RAPGEF2: variants seen among roughly 807,000 people sequenced by gnomAD.
The protein encoded by RAPGEF2 is PDZ domain containing guanine nucleotide exchange factor (GEF) 1.
Under a neutral mutation model 186.7 loss-of-function variants are expected in RAPGEF2, and 54 were observed. The ratio of observed to expected loss-of-function variants is 0.29; its 90% CI spans 0.23 to 0.36. The LOEUF is 0.36. Ranked by LOEUF, RAPGEF2 falls within the 10% of genes least tolerant of loss-of-function variation. The pLI is 1.00. For synonymous variants in RAPGEF2, 712 were observed against 705.9 expected, an observed-to-expected ratio of 1.01 and a Z score of -0.14; for missense variants, 1,532 against 2,045.0, an observed-to-expected ratio of 0.75 and a Z score of 4.84.
chr4:159,225,074 G>A (rs1751887557), intron 4 of RAPGEF2, among the ~76,000 whole-genome samples: 1 of 152,136 alleles, frequency 6.6e-6, no homozygotes, highest in Non-Finnish European at 1.5e-5. Context: ...AAATAGGTGG[G>A]AGCTACAGGG....
Position 159,241,247 on chromosome 4 carries a change from C to T in RAPGEF2, c.404C>T (p.Ser135Phe). The T allele has an allele frequency of 2.0e-6, 3 of 1,533,650 alleles. No individual in the cohort carries two copies. Among genetic ancestry groups the T allele is most frequent in the Non-Finnish European group, 2.6e-6 (3 of 1,145,408 alleles). ...ENEEYFQRQA[S>F]HRQSRRRFRK... Reference sequence around the variant, plus strand: ...GAAGAATATTTTCAGCGGCAAGCTTCCCATAGACAGTCTCGAAGGAGATTT... The same window carrying T: ...GAAGAATATTTTCAGCGGCAAGCTTTCCATAGACAGTCTCGAAGGAGATTT... Residue 135 changes from serine (S) to phenylalanine (F), a missense_variant, in exon 6 of 30, where the codon TCC becomes TTC. Ser to Phe is a radical substitution (Grantham distance 155). Coordinates refer to ENST00000691494, the MANE Select transcript of RAPGEF2 (RefSeq NM_001394067.2).
At chr4:159,222,102 T>A (rs1006404414) in intron 4 of RAPGEF2, among the ~76,000 whole-genome samples, 6 of 152,232 alleles carry the variant, frequency 3.9e-5, no homozygotes, top group Admixed American at 2.0e-4. Flanking sequence ...ATTTTTAGCA[T>A]CATTTAGAAC....
At chr4:159,238,992 G>A (rs1031775459) in intron 5 of RAPGEF2, 108 bp downstream of exon 5, 14 of 558,106 alleles carry the variant, frequency 2.5e-5, no homozygotes, top group Non-Finnish European at 3.3e-5. Flanking sequence ...AGAAAATATT[G>A]TATATTTTCT....
intron 7 of RAPGEF2, among the ~76,000 whole-genome samples, chr4:159,298,056 G>A (rs964913702): frequency 1.9e-4 from 29 of 152,068 alleles, no homozygotes; most frequent in Non-Finnish European, 1.5e-5. Context: ...GTTAATTTTG[G>A]CAGTTTTCTC....
At chr4:159,350,881 C>T (rs1217994401) in intron 26 of RAPGEF2, among the ~76,000 whole-genome samples, 5 of 152,172 alleles carry the variant, frequency 3.3e-5, no homozygotes, top group African/African-American at 9.7e-5. Context: ...ATGGCTAGGA[C>T]GTAGTTTTCC....
Position 159,359,813 on chromosome 4 carries a change from T to C in RAPGEF2, c.*1674T>C, listed in dbSNP as rs564817926. 14 of 152,280 alleles carry C rather than the reference T, an allele frequency of 9.2e-5. No individual in the cohort carries two copies. The highest frequency in any genetic ancestry group is 3.4e-4 in the African/African-American group (14 of 41,582). The allele number at this position is 152,280 out of a possible 1,614,324, so 9.4% of individuals were successfully genotyped here. On this transcript the variant is annotated 3_prime_UTR_variant, in exon 30 of 30. Coordinates refer to ENST00000691494, the MANE Select transcript of RAPGEF2 (RefSeq NM_001394067.2). ...TTTATTATATAGGCTATGGACCTCA[T>C]GTGCATATAGAAAGACAGAAATCTA...
intron 2 of RAPGEF2, among the ~76,000 whole-genome samples, chr4:159,192,283 G>A (rs1466635625): frequency 1.3e-5 from 2 of 152,160 alleles, no homozygotes; most frequent in African/African-American, 4.8e-5. Flanking sequence ...CTAAAGTACG[G>A]TGGTGGGAAC....
intron 2 of RAPGEF2, among the ~76,000 whole-genome samples, chr4:159,190,144 T>TC (rs1579416281): frequency 6.6e-6 from 1 of 152,124 alleles, no homozygotes; most frequent in African/African-American, 2.4e-5. Flanking sequence ...AAAGGCAGGG[T>TC]CCACGGTATA....
chr4:159,150,627 G>A (rs1210073586), intron 1 of RAPGEF2, among the ~76,000 whole-genome samples: 2 of 152,176 alleles, frequency 1.3e-5, no homozygotes, highest in Non-Finnish European at 2.9e-5. Flanking sequence ...GGAAGGCAGA[G>A]GGCCACTTGC....
At chr4:159,201,660 A>G (rs1289064424) in intron 3 of RAPGEF2, among the ~76,000 whole-genome samples, 1 of 152,252 alleles carries the variant, frequency 6.6e-6, no homozygotes, top group East Asian at 1.9e-4. Flanking sequence ...GGGTTTCGAT[A>G]GAGACTTGGG....
At chr4:159,349,081 G>A (rs1392995567) in intron 25 of RAPGEF2, among the ~76,000 whole-genome samples, 2 of 152,116 alleles carry the variant, frequency 1.3e-5, no homozygotes, top group Admixed American at 6.5e-5. Flanking sequence ...ATCTGTGTAT[G>A]ATGCTGGCCT....
intron 4 of RAPGEF2, among the ~76,000 whole-genome samples, chr4:159,233,423 T>C (rs984272890): frequency 6.6e-6 from 1 of 152,208 alleles, no homozygotes; most frequent in Non-Finnish European, 1.5e-5. Context: ...CTTCTCTCAT[T>C]GAACAGATAT....
chr4:159,114,591 C>G (rs1487671304), intron 1 of RAPGEF2, among the ~76,000 whole-genome samples: 1 of 152,002 alleles, frequency 6.6e-6, no homozygotes, highest in Non-Finnish European at 1.5e-5. Context: ...TTGATATTCC[C>G]AAGATGGAGT....
chr4:159,297,117 A>G (rs1762114556), intron 7 of RAPGEF2, among the ~76,000 whole-genome samples: 1 of 152,218 alleles, frequency 6.6e-6, no homozygotes, highest in Admixed American at 6.5e-5. Context: ...ATATATTTGG[A>G]CAGCAAGCCA....
Position 159,359,916 on chromosome 4 carries a change from C to T in RAPGEF2, c.*1777C>T, listed in dbSNP as rs1288807207. On this transcript the variant is annotated 3_prime_UTR_variant, in exon 30 of 30. Coordinates refer to ENST00000691494, the MANE Select transcript of RAPGEF2 (RefSeq NM_001394067.2). The stretch of plus-strand genomic sequence containing the variant: ...ATAGGACTGCTAATCTCAGTTCGCT[C>T]TGTGATGTCAAGTGCAGAATGTACA... The T allele has an allele frequency of 2.0e-5, 3 of 152,210 alleles. No homozygotes were observed. Among genetic ancestry groups the T allele is most frequent in the African/African-American group, 7.2e-5 (3 of 41,450 alleles). 9.4% of individuals were successfully genotyped at this position (152,210 alleles called of 1,614,324 possible). A position where few individuals can be genotyped will look rare whatever the true frequency, so the allele number is the denominator to read the frequency against.
Position 159,350,218 on chromosome 4 carries a change from A to C in RAPGEF2, c.3794A>C (p.Glu1265Ala). The change falls in exon 26 of 30, where the codon GAA (glutamate) becomes GCA (alanine). Residue 1265 changes from glutamate to alanine, a missense_variant. Glu to Ala is a moderately radical substitution (Grantham distance 107). This residue lies in a region of RAPGEF2 where 594 missense variants were observed against 608.5 expected (regional missense o/e 0.98). Coordinates refer to ENST00000691494, the MANE Select transcript of RAPGEF2 (RefSeq NM_001394067.2). ...TTGGAACGTCACAAGAAACAGGCTG[A>C]AGATACAATATCAAATGCATCTTCG... The part of the protein sequence containing the change: ...GSLERHKKQA[E>A]DTISNASSQL... 6.3e-7 allele frequency: 1 copy of C among 1,599,076 alleles called. No homozygotes were observed. The highest frequency in any genetic ancestry group is 8.5e-7 in the Non-Finnish European group (1 of 1,172,560).
At chr4:159,190,084 G>A (rs10428417) in intron 2 of RAPGEF2, among the ~76,000 whole-genome samples, 68,488 of 152,068 alleles carry the variant, frequency 0.45, 16,254 homozygotes, top group African/African-American at 0.6. Flanking sequence ...GATTTCTTCA[G>A]TGTAGAGGTG....
chr4:159,220,657 TC>T (rs1372710550), intron 4 of RAPGEF2, among the ~76,000 whole-genome samples: 1 of 152,146 alleles, frequency 6.6e-6, no homozygotes, highest in South Asian at 2.1e-4. Context: ...GTTATCACCT[TC>T]CCCCTACTCT....
chr4:159,338,797 CTT>C (rs1767828849), intron 18 of RAPGEF2, among the ~76,000 whole-genome samples: 1 of 152,170 alleles, frequency 6.6e-6, no homozygotes, highest in Non-Finnish European at 1.5e-5. Context: ...AATTAATGGA[CTT>C]TTCAATACAG....
Sources: allele counts gnomAD v4.1 joint callset (sites outside exome capture counted in the v4.1 genomes callset), GRCh38; gene constraint gnomAD v4.1.1; regional missense constraint gnomAD v4.1.1; transcripts MANE v1.5; gene names NCBI Gene and HGNC (gene_info 2026-07-23, HGNC 2026-07-21).